The following ERBB4 variants were observed in gnomAD, a reference collection of about 807,000 sequenced individuals.
ERBB4 encodes the protein receptor tyrosine-protein kinase erbB-4.
In ERBB4, 42 loss-of-function variants were observed where a neutral mutation model predicts 158.0. The observed-to-expected ratio is 0.27, with a 90% CI of 0.21 to 0.34. The LOEUF (loss-of-function observed/expected upper bound fraction) is 0.34, where lower values mean the gene tolerates loss of function less well. Ranked by LOEUF, ERBB4 falls within the 10% of genes least tolerant of loss-of-function variation. The probability of loss-of-function intolerance (pLI) is 1.00; values close to 1 mark genes in which losing one functional copy is unlikely to be tolerated. For synonymous variants in ERBB4, 583 were observed against 558.7 expected (o/e 1.04, Z -0.61); for missense variants, 1,333 against 1,624.1 (o/e 0.82, Z 3.08).
rs954823066 is a variant in ERBB4 at position 211,733,932 on chromosome 2, T to C, written c.623-8738A>G. ...CCTGTCTCTACTAAAAATACAAAAA[T>C]TAGCCAGGCAGAGGAAGGAGAATCA... On this transcript the variant is annotated intron_variant, in intron 5 of 27. Coordinates refer to ENST00000342788, the MANE Select transcript of ERBB4 (RefSeq NM_005235.3). 3.8e-4 allele frequency among the ~76,000 whole-genome samples: 56 copies of C among 147,266 alleles called. 2 individuals carry two copies. The highest frequency in any genetic ancestry group is 1.5e-3 in the African/African-American group (55 of 37,026).
intron 1 of ERBB4, among the ~76,000 whole-genome samples, chr2:212,251,296 A>ACATT (rs1410601927): frequency 6.6e-6 from 1 of 152,064 alleles, no homozygotes; most frequent in Admixed American, 6.6e-5. Context: ...CAGCATGTAT[A>ACATT]CATTCATTTA....
At chr2:211,719,534 T>G (rs1324617468) in intron 7 of ERBB4, among the ~76,000 whole-genome samples, 1 of 152,148 alleles carries the variant, frequency 6.6e-6, no homozygotes, top group Non-Finnish European at 1.5e-5. Context: ...CCCAGGTCTT[T>G]GTTCACTGCT....
At chr2:211,848,662 T>C (rs985546684) in intron 3 of ERBB4, among the ~76,000 whole-genome samples, 3 of 152,032 alleles carry the variant, frequency 2.0e-5, no homozygotes, top group Non-Finnish European at 4.4e-5. Flanking sequence ...TTGGTCTTTG[T>C]GGCCAATCCT....
At chr2:211,422,539 G>C (rs2063536007) in intron 23 of ERBB4, among the ~76,000 whole-genome samples, 1 of 150,300 alleles carries the variant, frequency 6.7e-6, no homozygotes, top group South Asian at 2.1e-4. Flanking sequence ...TGCCTGTTCA[G>C]CAATAGACAT....
At chr2:212,426,653 G>A (rs922356724) in intron 1 of ERBB4, among the ~76,000 whole-genome samples, 5 of 152,008 alleles carry the variant, frequency 3.3e-5, no homozygotes, top group African/African-American at 4.8e-5. Flanking sequence ...AAACTTTAGT[G>A]CTTCTTTAGT....
intron 2 of ERBB4, among the ~76,000 whole-genome samples, chr2:212,077,988 T>G (rs1381499153): frequency 6.6e-6 from 1 of 152,036 alleles, no homozygotes; most frequent in Non-Finnish European, 1.5e-5. Flanking sequence ...CATTCTTGAC[T>G]AAGGCTAATA....
chr2:211,466,348 TTA>T lies in ERBB4; in HGVS notation c.2488-35250_2488-35249del, dbSNP rs1491314254. 2.4e-3 allele frequency among the ~76,000 whole-genome samples: 320 copies of T among 134,048 alleles called. 2 individuals carry two copies. The highest frequency in any genetic ancestry group is 2.7e-3 in the African/African-American group (85 of 31,248). The allele number at this position is 134,048 out of a possible 152,430, so 87.9% of individuals were successfully genotyped here. A position where few individuals can be genotyped will look rare whatever the true frequency, so the allele number is the denominator to read the frequency against. ...TTTTGTGTAGTTTTTTTTTTTTTTT[TTA>T]AAAAAAAAAAAAGGAACACATTCAA... is the stretch of plus-strand genomic sequence containing the variant. On this transcript the variant is annotated intron_variant, in intron 20 of 27. Transcript: ENST00000342788.
chr2:212,503,660 G>T (rs1402739133), intron 1 of ERBB4, among the ~76,000 whole-genome samples: 1 of 152,186 alleles, frequency 6.6e-6, no homozygotes, highest in Non-Finnish European at 1.5e-5. Context: ...TCATCTTGAA[G>T]TTGATGTAAC....
Position 211,886,184 on chromosome 2 carries a change from T to C in ERBB4, c.421+61246A>G, listed in dbSNP as rs189333412. ...CTGCTGAGTTCTCTAACTTGCTTTT[T>C]ATTCAGATCTTAATTCACATTATTA... On this transcript the variant is annotated intron_variant, in intron 3 of 27. Transcript: ENST00000342788. Among the ~76,000 whole-genome samples the C allele has an allele frequency of 2.8e-3, 420 of 152,326 alleles. 4 individuals are homozygous for C. The highest frequency in any genetic ancestry group is 0.01 in the Middle Eastern group (3 of 294).
At chr2:212,172,084 C>A (rs1188575484) in intron 1 of ERBB4, among the ~76,000 whole-genome samples, 2 of 151,914 alleles carry the variant, frequency 1.3e-5, no homozygotes, top group South Asian at 4.2e-4. Context: ...AAAAACACAA[C>A]CCCCCAAAAA....
intron 3 of ERBB4, among the ~76,000 whole-genome samples, chr2:211,886,877 C>G (rs1268259151): frequency 6.6e-6 from 1 of 152,188 alleles, no homozygotes; most frequent in Non-Finnish European, 1.5e-5. Flanking sequence ...AAACTTGTCA[C>G]TGACTTTAGA....
At chr2:211,805,294 C>CTT (rs76536952) in intron 3 of ERBB4, among the ~76,000 whole-genome samples, 5 of 151,908 alleles carry the variant, frequency 3.3e-5, no homozygotes, top group Admixed American at 2.0e-4. Flanking sequence ...TCCTCAAATC[C>CTT]TTTTTTGTTT....
At chr2:211,900,913 A>G (rs892102451) in intron 3 of ERBB4, among the ~76,000 whole-genome samples, 1 of 152,136 alleles carries the variant, frequency 6.6e-6, no homozygotes, top group Non-Finnish European at 1.5e-5. Flanking sequence ...CATCTCCTCT[A>G]TTTCAATATC....
At chr2:212,148,950 G>T (rs1462215586) in intron 1 of ERBB4, among the ~76,000 whole-genome samples, 1 of 136,866 alleles carries the variant, frequency 7.3e-6, no homozygotes, top group Admixed American at 7.5e-5. Context: ...TCACTCATAG[G>T]TGGGAATTGA....
chr2:211,569,215 C>G (rs1009620786), intron 19 of ERBB4, among the ~76,000 whole-genome samples: 4 of 152,242 alleles, frequency 2.6e-5, no homozygotes. Context: ...ACTGCCACTT[C>G]ATTGAAGACC....
At chr2:212,269,980 T>C (rs1017389425) in intron 1 of ERBB4, among the ~76,000 whole-genome samples, 8 of 151,796 alleles carry the variant, frequency 5.3e-5, no homozygotes, top group Admixed American at 2.6e-4. Flanking sequence ...GTGTGCTTAG[T>C]GACTATAGCA....
intron 2 of ERBB4, among the ~76,000 whole-genome samples, chr2:212,047,906 A>T (rs1446827360): frequency 1.3e-5 from 2 of 152,206 alleles, no homozygotes; most frequent in Non-Finnish European, 2.9e-5. Flanking sequence ...AACGTAAATA[A>T]ATAAAAAGCA....
At chr2:211,460,633 G>A (rs1268837043) in intron 20 of ERBB4, among the ~76,000 whole-genome samples, 1 of 152,070 alleles carries the variant, frequency 6.6e-6, no homozygotes. Context: ...CTTGTGTTTT[G>A]TATTACAGAC....
intron 7 of ERBB4, among the ~76,000 whole-genome samples, chr2:211,720,579 G>C (rs2106115665): frequency 6.6e-6 from 1 of 152,230 alleles, no homozygotes; most frequent in East Asian, 1.9e-4. Context: ...CACCGTGCTG[G>C]ATCTTTGCCT....
Sources: allele counts gnomAD v4.1 joint callset (sites outside exome capture counted in the v4.1 genomes callset), GRCh38; gene constraint gnomAD v4.1.1; transcripts MANE v1.5; gene names NCBI Gene and HGNC (gene_info 2026-07-23, HGNC 2026-07-21).